SLC39A10: variants seen among roughly 807,000 people sequenced by gnomAD.
SLC39A10 encodes the protein solute carrier family 39 member 10.
In SLC39A10, 13 loss-of-function variants were observed where a neutral mutation model predicts 65.1. The ratio of observed to expected loss-of-function variants is 0.20; its 90% CI spans 0.13 to 0.32. SLC39A10 has a LOEUF of 0.32. Among genes scored for constraint, SLC39A10 ranks in the 10% least tolerant of loss-of-function variants. The pLI is 1.00. For missense variants in SLC39A10, 831 were observed against 1,018.4 expected (o/e 0.82, Z 2.50); for synonymous variants, 321 against 342.2 (o/e 0.94, Z 0.68).
At chr2:195,638,841 C>T (rs1029591374) in intron 2 of SLC39A10, among the ~76,000 whole-genome samples, 6 of 152,008 alleles carry the variant, frequency 3.9e-5, no homozygotes, top group Non-Finnish European at 7.4e-5. Flanking sequence ...GGTCATTTTT[C>T]CATCCTAGAA....
In SLC39A10 at chr2:195,637,547, C is replaced by T. The variant is rs75160173; in HGVS notation, c.-12+31314C>T. On this transcript the variant is annotated intron_variant, in intron 2 of 2. Coordinates refer to the SLC39A10 transcript ENST00000458054. ...ACAGTAAAGGGAGCAGGTAGAAATA[C>T]AGTCAAACAATATTTGTATGAGATC... Among the ~76,000 whole-genome samples, 162 of 152,292 alleles carry T rather than the reference C, an allele frequency of 1.1e-3. 3 individuals carry two copies. In the East Asian group the frequency reaches 0.029, roughly 27 times the overall value.
rs935988862 is a variant in SLC39A10 at position 195,736,057 on chromosome 2, C to T, written c.*1016C>T. On this transcript the variant is annotated 3_prime_UTR_variant, in exon 10 of 10. Coordinates refer to ENST00000359634, the MANE Select transcript of SLC39A10 (RefSeq NM_020342.3). The stretch of plus-strand genomic sequence containing the variant: ...GCTACAAGGTTGTAAAGCAGAAAAT[C>T]GAAGTTTACCATGTCTGTAATGTGT... 14 of 152,454 alleles carry T rather than the reference C, an allele frequency of 9.2e-5. No homozygotes were observed. Among genetic ancestry groups the T allele is most frequent in the African/African-American group, 2.9e-4 (12 of 41,370 alleles). The allele number at this position is 152,454 out of a possible 1,614,324, so 9.4% of individuals were successfully genotyped here.
In SLC39A10 at chr2:195,630,103, A is replaced by ATGTGTGTGTGTGTG. The variant is rs35865354; in HGVS notation, c.-12+23888_-12+23901dup. Among the ~76,000 whole-genome samples the ATGTGTGTGTGTGTG allele has an allele frequency of 1.8e-3, 237 of 131,810 alleles. 1 individual carries two copies. The highest frequency in any genetic ancestry group is 0.017 in the East Asian group (77 of 4,638). The allele number at this position is 131,810 out of a possible 152,430, so 86.5% of individuals were successfully genotyped here. On this transcript the variant is annotated intron_variant, in intron 2 of 2. Coordinates refer to the SLC39A10 transcript ENST00000458054. ...ACTATATAGAGAAAACTCATTTTAT[A>ATGTGTGTGTGTGTG]TGTGTGTGTGTGTGTGTGTGTGTGT...
chr2:195,644,337 ATTTT>A (rs11356815), intron 2 of SLC39A10, among the ~76,000 whole-genome samples: 4 of 85,990 alleles, frequency 4.7e-5, no homozygotes, highest in Non-Finnish European at 4.7e-5. Flanking sequence ...TCTCAAATAA[ATTTT>A]TTTTTTTTTT....
rs140075695 is a variant in SLC39A10, at chr2:195,674,450, G to A, written c.-11-5582G>A. ...CCGCCACCAGGCCTGGCTAATTTTT[G>A]TGTTTTAGTAGAGATGGGGTTTCAC... On this transcript the variant is annotated intron_variant, in intron 1 of 9. Transcript: ENST00000359634. The A allele has an allele frequency of 0.012, 3,093 of 263,402 alleles. 235 individuals are homozygous for A. The East Asian group carries it at 0.25, about 21-fold the overall frequency. The allele number at this position is 263,402 out of a possible 1,614,324, so 16.3% of individuals were successfully genotyped here.
intron 1 of SLC39A10, among the ~76,000 whole-genome samples, chr2:195,675,400 A>G (rs933873307): frequency 6.6e-6 from 1 of 152,110 alleles, no homozygotes; most frequent in East Asian, 1.9e-4. Context: ...TGTTATTGCA[A>G]TAGTTCACAT....
intron 2 of SLC39A10, among the ~76,000 whole-genome samples, chr2:195,641,777 C>T (rs1435330219): frequency 6.6e-6 from 1 of 151,524 alleles, no homozygotes; most frequent in Non-Finnish European, 1.5e-5. Context: ...CTGCAACCTC[C>T]GCCTCCCAGG....
intron 2 of SLC39A10, among the ~76,000 whole-genome samples, chr2:195,647,310 G>A (rs1027274003): frequency 2.6e-5 from 4 of 151,870 alleles, no homozygotes; most frequent in South Asian, 2.1e-4. Context: ...CTTGCCCACC[G>A]AAAATTCTTC....
intron 1 of SLC39A10, among the ~76,000 whole-genome samples, chr2:195,674,177 A>G (rs1030672333): frequency 2.6e-5 from 4 of 152,222 alleles, no homozygotes; most frequent in Non-Finnish European, 4.4e-5. Flanking sequence ...TTATAACTGC[A>G]GTGTAATCTT....
intron 1 of SLC39A10, chr2:195,658,190 A>G (rs576669593): frequency 5.2e-5 from 8 of 152,474 alleles, no homozygotes; most frequent in Admixed American, 3.9e-4. Flanking sequence ...CCAGCTAAGA[A>G]GGGCGGGGGC....
chr2:195,636,830 G>A (rs1307748231), intron 2 of SLC39A10, among the ~76,000 whole-genome samples: 1 of 152,168 alleles, frequency 6.6e-6, no homozygotes, highest in Non-Finnish European at 1.5e-5. Flanking sequence ...GAGCCCAGGA[G>A]TTCAAGACCA....
At position 195,683,745 on chromosome 2, in the gene SLC39A10, A is replaced by T. The variant is rs148143190; in HGVS notation, c.1055A>T (p.Asn352Ile). 7 of 1,612,950 alleles carry T rather than the reference A, an allele frequency of 4.3e-6. No individual in the cohort carries two copies. The highest frequency in any genetic ancestry group is 5.9e-6 in the Non-Finnish European group (7 of 1,179,420). ...QLLKYYGHGA[N>I]SPISTDLFTY... ...TTAAAATACTATGGTCATGGTGCCA[A>T]CTCTCCCATCTCAACTGATTTATTT... The change falls in exon 3 of 10, where the codon AAC becomes ATC. Residue 352 changes from asparagine to isoleucine, a missense_variant. By Grantham distance (149) the Asn-to-Ile change is moderately radical. Coordinates refer to ENST00000359634, the MANE Select transcript of SLC39A10 (RefSeq NM_020342.3).
chr2:195,692,032 T>G (rs1165127847), intron 3 of SLC39A10, among the ~76,000 whole-genome samples: 1 of 152,230 alleles, frequency 6.6e-6, no homozygotes, highest in African/African-American at 2.4e-5. Context: ...TTTTATAAGG[T>G]GAGAGCTGAG....
intron 2 of SLC39A10, among the ~76,000 whole-genome samples, chr2:195,617,613 G>A (rs1293476944): frequency 6.6e-6 from 1 of 152,124 alleles, no homozygotes; most frequent in African/African-American, 2.4e-5. Flanking sequence ...GCTCACGCCT[G>A]TAAGTCGAGC....
chr2:195,702,218 C>T lies in SLC39A10; in HGVS notation c.1217-4398C>T, dbSNP rs12611933. On this transcript the variant is annotated intron_variant, in intron 3 of 9. Coordinates refer to ENST00000359634, the MANE Select transcript of SLC39A10 (RefSeq NM_020342.3). ...GAGGTACAGCAACATGGCCACCTGT[C>T]TCTGCCTGTACTTCTGTGATCAGAA... 9.1e-4 allele frequency among the ~76,000 whole-genome samples: 139 copies of T among 152,304 alleles called. 4 individuals are homozygous for T. The East Asian group carries it at 0.026, about 29-fold the overall frequency.
chr2:195,701,194 C>A (rs1348197710), intron 3 of SLC39A10, among the ~76,000 whole-genome samples: 1 of 152,046 alleles, frequency 6.6e-6, no homozygotes, highest in South Asian at 2.1e-4. Context: ...CTTCAGCCTG[C>A]TCAAATCTGC....
intron 1 of SLC39A10, among the ~76,000 whole-genome samples, chr2:195,677,884 G>A (rs1690155841): frequency 6.6e-6 from 1 of 151,780 alleles, no homozygotes; most frequent in Admixed American, 6.6e-5. Flanking sequence ...CAAGTAGCTG[G>A]GCTTACAGGC....
At chr2:195,700,669 G>A (rs190975599) in intron 3 of SLC39A10, among the ~76,000 whole-genome samples, 172 of 152,214 alleles carry the variant, frequency 1.1e-3, no homozygotes, top group Non-Finnish European at 2.1e-3. Flanking sequence ...ACTTTTGAAC[G>A]TCAATTTTGC....
rs776653466 is a variant in SLC39A10 at position 195,680,164 on chromosome 2, G to A, written c.122G>A (p.Arg41His). 1.2e-5 allele frequency: 20 copies of A among 1,613,896 alleles called. No homozygotes were observed. The highest frequency in any genetic ancestry group is 2.7e-5 in the African/African-American group (2 of 74,888). The change falls in exon 2 of 10, where the codon CGT becomes CAT. Residue 41 changes from arginine to histidine, a missense_variant. Coordinates refer to ENST00000359634, the MANE Select transcript of SLC39A10 (RefSeq NM_020342.3). ...HGPEALHRQHRGMTELEPSKF... is the reference protein window; with the variant it reads ...HGPEALHRQHHGMTELEPSKF... ...CCTGAAGCGCTTCACAGACAGCATC[G>A]TGGAATGACAGAATTGGAGCCAAGC...
Sources: gnomAD v4.1 joint callset for allele counts (sites outside exome capture counted in the v4.1 genomes callset) on GRCh38, gnomAD v4.1.1 for gene constraint, MANE v1.5 for transcripts, NCBI Gene and HGNC (gene_info 2026-07-23, HGNC 2026-07-21) for gene names.